The following WIPF3 variants were observed in gnomAD, a reference collection of about 807,000 sequenced individuals.
WIPF3 encodes the protein WAS/WASL-interacting protein family member 3.
A neutral mutation model predicts 38.9 loss-of-function variants in WIPF3; 33 were observed. The ratio of observed to expected loss-of-function variants is 0.85; its 90% confidence interval spans 0.64 to 1.14. The LOEUF (loss-of-function observed/expected upper bound fraction) is 1.14, where lower values mean the gene tolerates loss of function less well. Among genes scored for constraint, WIPF3 ranks in the 50% most tolerant of loss-of-function variants. WIPF3 has a pLI of 0.00. For synonymous variants in WIPF3, 324 were observed against 269.3 expected, an observed-to-expected ratio of 1.20 and a Z score of -1.99; for missense variants, 711 against 652.5, an observed-to-expected ratio of 1.09 and a Z score of -0.98.
At chr7:29,817,332 G>A (rs940254856) in intron 1 of WIPF3, among the ~76,000 whole-genome samples, 2 of 151,986 alleles carry the variant, frequency 1.3e-5, no homozygotes, top group African/African-American at 2.4e-5. Context: ...TAGTATGACT[G>A]GGCTTTATTT....
At chr7:29,820,097 A>G (rs935416806) in intron 1 of WIPF3, among the ~76,000 whole-genome samples, 2 of 152,072 alleles carry the variant, frequency 1.3e-5, no homozygotes, top group Admixed American at 6.5e-5. Flanking sequence ...AGAACCCATA[A>G]AAGTCTTGAT....
chr7:29,892,922 G>A (rs1244466861), intron 7 of WIPF3, among the ~76,000 whole-genome samples: 7 of 152,280 alleles, frequency 4.6e-5, no homozygotes, highest in South Asian at 4.2e-4. Flanking sequence ...AAAGTTAGCC[G>A]GGTGTGGTGG....
chr7:29,818,638 G>T (rs982530567), intron 1 of WIPF3, among the ~76,000 whole-genome samples: 3 of 150,730 alleles, frequency 2.0e-5, no homozygotes, highest in African/African-American at 4.9e-5. Flanking sequence ...CATATTATTT[G>T]GGGGGAAAAC....
chr7:29,840,914 T>G (rs174933), intron 2 of WIPF3, among the ~76,000 whole-genome samples: 120,111 of 152,028 alleles, frequency 0.79, 47,570 homozygotes, highest in East Asian at 0.89. Flanking sequence ...CATACCCTGG[T>G]GGTTGGTGAA....
At chr7:29,900,777 G>A (rs529527075) in intron 7 of WIPF3, among the ~76,000 whole-genome samples, 3 of 152,368 alleles carry the variant, frequency 2.0e-5, no homozygotes, top group Admixed American at 6.5e-5. Flanking sequence ...GGCCTGCCCT[G>A]TTTACAGCTG....
chr7:29,907,906 T>C (rs1786429066), intron 8 of WIPF3, among the ~76,000 whole-genome samples: 1 of 152,004 alleles, frequency 6.6e-6, no homozygotes, highest in Non-Finnish European at 1.5e-5. Context: ...ATTTAAACAT[T>C]TCACTACAAA....
chr7:29,907,225 A>G (rs1360819044), intron 8 of WIPF3, among the ~76,000 whole-genome samples: 1 of 152,204 alleles, frequency 6.6e-6, no homozygotes, highest in Non-Finnish European at 1.5e-5. Context: ...AGCTAGTGTT[A>G]TTGTAACTTT....
chr7:29,824,001 C>T (rs975186821), intron 1 of WIPF3, among the ~76,000 whole-genome samples: 3 of 152,184 alleles, frequency 2.0e-5, no homozygotes, highest in Non-Finnish European at 4.4e-5. Context: ...TATAGCAACG[C>T]GAGAACAGAC....
chr7:29,842,720 A>G (rs1415114076), intron 2 of WIPF3, among the ~76,000 whole-genome samples: 1 of 152,178 alleles, frequency 6.6e-6, no homozygotes, highest in Non-Finnish European at 1.5e-5. Context: ...AAGTCTCATG[A>G]GAGCTTTTTT....
At chr7:29,807,854 C>T (rs1286377826) in intron 1 of WIPF3, among the ~76,000 whole-genome samples, 1 of 152,204 alleles carries the variant, frequency 6.6e-6, no homozygotes, top group Non-Finnish European at 1.5e-5. Flanking sequence ...TGTGCCCCTC[C>T]GCCTCCTCCT....
rs566273083 is a variant in WIPF3, at chr7:29,867,763, A to AGACATTAG, written c.91-8064_91-8057dup. ...AGTGGCCAAAGGATAAAAAGGGTGAAGACATTAGGATGAATCAGGGCTGAA... is the reference window on the plus strand; with the variant it reads ...AGTGGCCAAAGGATAAAAAGGGTGAAGACATTAGGACATTAGGATGAATCAGGGCTGAA... On this transcript the variant is annotated intron_variant, in intron 2 of 8. Transcript: ENST00000242140. 1.4e-3 allele frequency among the ~76,000 whole-genome samples: 219 copies of AGACATTAG among 152,262 alleles called. 1 individual carries two copies. Among genetic ancestry groups the AGACATTAG allele is most frequent in the African/African-American group, 5.1e-3 (211 of 41,556 alleles).
At chr7:29,896,180 G>A (rs1455689103) in intron 7 of WIPF3, among the ~76,000 whole-genome samples, 1 of 152,184 alleles carries the variant, frequency 6.6e-6, no homozygotes, top group Non-Finnish European at 1.5e-5. Flanking sequence ...ATGGTGGTGT[G>A]CTCCTATAGT....
intron 2 of WIPF3, among the ~76,000 whole-genome samples, chr7:29,864,561 G>A (rs2128071137): frequency 6.6e-6 from 1 of 152,310 alleles, no homozygotes; most frequent in East Asian, 1.9e-4. Context: ...TACAAATACT[G>A]TCTGTATGGA....
At chr7:29,895,895 G>A (rs1292601841) in intron 7 of WIPF3, among the ~76,000 whole-genome samples, 1 of 152,200 alleles carries the variant, frequency 6.6e-6, no homozygotes, top group Non-Finnish European at 1.5e-5. Context: ...CATGAAATTT[G>A]GTGGGGACAC....
chr7:29,915,746 C>G lies in WIPF3; in HGVS notation c.*1230C>G, dbSNP rs1235498061. On this transcript the variant is annotated 3_prime_UTR_variant, in exon 9 of 9. Transcript: ENST00000242140. ...ATGTGTTTTTGCTTGCTGCCTGACC[C>G]CTGATGTTCCCCATCTTTGGTCGGG... 2.0e-5 allele frequency: 3 copies of G among 152,304 alleles called. No individual in the cohort carries two copies. Among genetic ancestry groups the G allele is most frequent in the African/African-American group, 7.2e-5 (3 of 41,396 alleles). The allele number at this position is 152,304 out of a possible 1,614,324, so 9.4% of individuals were successfully genotyped here.
intron 1 of WIPF3, among the ~76,000 whole-genome samples, chr7:29,816,623 G>A (rs1784462750): frequency 6.6e-6 from 1 of 152,086 alleles, no homozygotes; most frequent in African/African-American, 2.4e-5. Flanking sequence ...GCCCTGCCCA[G>A]CTGCAAACTC....
At chr7:29,877,375 G>A (rs1785622224) in intron 3 of WIPF3, among the ~76,000 whole-genome samples, 1 of 152,236 alleles carries the variant, frequency 6.6e-6, no homozygotes, top group South Asian at 2.1e-4. Flanking sequence ...CCAGTGTCCA[G>A]TAACCTTTAA....
At position 29,856,359 on chromosome 7, in the gene WIPF3, G is replaced by C. The variant is rs1785187202; in HGVS notation, c.91-19471G>C. Among the ~76,000 whole-genome samples, 3 of 152,308 alleles carry C rather than the reference G, an allele frequency of 2.0e-5. No homozygotes were observed. In the South Asian group the frequency reaches 6.2e-4, roughly 32 times the overall value. ...TAAAAATCTTCAGGCCAGGCACAGT[G>C]TCTCACACCTGCAATCCCAGCACTT... is the stretch of plus-strand genomic sequence containing the variant. On this transcript the variant is annotated intron_variant, in intron 2 of 8. Transcript: ENST00000242140.
intron 2 of WIPF3, among the ~76,000 whole-genome samples, chr7:29,872,882 C>A (rs1785524689): frequency 6.7e-6 from 1 of 149,992 alleles, no homozygotes; most frequent in South Asian, 2.1e-4. Context: ...AGGGCCGACA[C>A]TGGAGCAGAA....
Sources: allele counts gnomAD v4.1 joint callset (sites outside exome capture counted in the v4.1 genomes callset), GRCh38; gene constraint gnomAD v4.1.1; transcripts MANE v1.5; gene names NCBI Gene and HGNC (gene_info 2026-07-23, HGNC 2026-07-21).